NFAT5: variants seen among roughly 807,000 people sequenced by gnomAD.
The protein encoded by NFAT5 is nuclear factor of activated T cells 5, also known as nuclear factor of activated T-cells 5.
NFAT5 carries 31 observed loss-of-function variants against 166.5 expected under a neutral mutation model. The observed-to-expected ratio is 0.19, with a 90% CI of 0.14 to 0.25. The LOEUF is 0.25. NFAT5 is among the 10% of genes least tolerant of loss of function. The probability of loss-of-function intolerance (pLI) is 1.00; values close to 1 mark genes in which losing one functional copy is unlikely to be tolerated. For synonymous variants in NFAT5, 612 were observed against 639.7 expected (o/e 0.96, Z 0.65); for missense variants, 1,449 against 1,821.8 (o/e 0.80, Z 3.72).
intron 2 of NFAT5, among the ~76,000 whole-genome samples, chr16:69,600,059 G>T (rs898017334): frequency 1.3e-5 from 2 of 151,844 alleles, no homozygotes; most frequent in South Asian, 4.1e-4. Context: ...GAGATGATTA[G>T]ATCAGGATTG....
At chr16:69,592,611 G>C (rs941932757) in intron 2 of NFAT5, among the ~76,000 whole-genome samples, 8 of 152,008 alleles carry the variant, frequency 5.3e-5, no homozygotes, top group African/African-American at 1.7e-4. Flanking sequence ...CCCTCATAAT[G>C]TTTCTAACTT....
intron 2 of NFAT5, among the ~76,000 whole-genome samples, chr16:69,619,396 G>GT (rs1278696225): frequency 2.6e-5 from 4 of 152,156 alleles, no homozygotes; most frequent in African/African-American, 9.7e-5. Context: ...AACCCATTGT[G>GT]TAGCTCAGCT....
rs2016012306 is a variant in NFAT5 at position 69,566,084 on chromosome 16, T to C, written c.-218T>C. 2.0e-6 allele frequency: 1 copy of C among 509,408 alleles called. No homozygotes were observed. The highest frequency in any genetic ancestry group is 2.1e-5 in the African/African-American group (1 of 47,476). 31.6% of individuals were successfully genotyped at this position (509,408 alleles called of 1,614,324 possible). A position where few individuals can be genotyped will look rare whatever the true frequency, so the allele number is the denominator to read the frequency against. On this transcript the variant is annotated 5_prime_UTR_variant, in exon 1 of 15. Coordinates refer to ENST00000349945, the MANE Select transcript of NFAT5 (RefSeq NM_138713.4). The surrounding 1 kb of genome is among the most constrained non-coding windows in gnomAD (Gnocchi z 5.7). ...TCCCCGTCCTGAACCCCTCTCCTGGTCACCGAGAATCAGTCCCCGTGGAGT... is the reference window on the plus strand; with the variant it reads ...TCCCCGTCCTGAACCCCTCTCCTGGCCACCGAGAATCAGTCCCCGTGGAGT...
chr16:69,627,955 G>A (rs2034540732), intron 3 of NFAT5, among the ~76,000 whole-genome samples: 1 of 152,142 alleles, frequency 6.6e-6, no homozygotes, highest in Non-Finnish European at 1.5e-5. Context: ...AAATCCACAA[G>A]TAGAAATTGA....
At chr16:69,657,755 T>A (rs1597484729) in intron 6 of NFAT5, among the ~76,000 whole-genome samples, 1 of 88,560 alleles carries the variant, frequency 1.1e-5, no homozygotes. Flanking sequence ...CAAGACTCCA[T>A]CTCAAAAAAA....
intron 7 of NFAT5, among the ~76,000 whole-genome samples, chr16:69,660,579 A>G (rs988465249): frequency 1.4e-4 from 21 of 152,244 alleles, no homozygotes; most frequent in Admixed American, 7.2e-4. Context: ...GCAAATAACA[A>G]CATGTCAGAA....
intron 2 of NFAT5, among the ~76,000 whole-genome samples, chr16:69,590,923 T>A (rs943443412): frequency 3.9e-5 from 6 of 152,102 alleles, no homozygotes; most frequent in African/African-American, 1.4e-4. Flanking sequence ...ATCATTTTAT[T>A]TCCCAAATTG....
At chr16:69,604,326 G>A (rs2033291137) in intron 2 of NFAT5, among the ~76,000 whole-genome samples, 1 of 152,146 alleles carries the variant, frequency 6.6e-6, no homozygotes, top group Admixed American at 6.5e-5. Context: ...GTGCTCAATT[G>A]AATTTTCTTT....
intron 4 of NFAT5, chr16:69,649,357 A>G (rs2035576526): frequency 2.1e-6 from 2 of 973,274 alleles, no homozygotes; most frequent in South Asian, 9.5e-5. Flanking sequence ...TAGAATTTTT[A>G]CTTATGGCTA....
At chr16:69,605,019 T>A (rs1443958162) in intron 2 of NFAT5, among the ~76,000 whole-genome samples, 1 of 152,204 alleles carries the variant, frequency 6.6e-6, no homozygotes, top group East Asian at 1.9e-4. Flanking sequence ...CATCCTATAA[T>A]AGCATATGTG....
intron 2 of NFAT5, among the ~76,000 whole-genome samples, chr16:69,601,089 A>G (rs1031773311): frequency 6.6e-6 from 1 of 152,130 alleles, no homozygotes; most frequent in Non-Finnish European, 1.5e-5. Flanking sequence ...ATTAGAATTT[A>G]CGCACACACA....
At chr16:69,568,354 G>GTT in intron 1 of NFAT5, 141 bp from the exon 2 acceptor site, 1 of 330,274 alleles carries the variant, frequency 3.0e-6, no homozygotes. Flanking sequence ...ATATGTGTGT[G>GTT]TGTGTGTGTG....
chr16:69,648,528 A>G, intron 4 of NFAT5: 1 of 985,004 alleles, frequency 1.0e-6, no homozygotes, highest in Non-Finnish European at 1.2e-6. Context: ...ATCATGGTAC[A>G]TGTTTGAGTT....
rs186003990 is a variant in NFAT5, at chr16:69,703,402, T to G, written c.*7051T>G. 174 of 152,742 alleles carry G rather than the reference T, an allele frequency of 1.1e-3. No homozygotes were observed. The highest frequency in any genetic ancestry group is 1.3e-3 in the Non-Finnish European group (91 of 68,032). The allele number at this position is 152,742 out of a possible 1,614,324, so 9.5% of individuals were successfully genotyped here. A position where few individuals can be genotyped will look rare whatever the true frequency, so the allele number is the denominator to read the frequency against. The stretch of plus-strand genomic sequence containing the variant: ...TAAACAAGATAATGCATTATACAAT[T>G]TGGGCATTTCTCGTTTCTCAAGTGT... On this transcript the variant is annotated 3_prime_UTR_variant, in exon 15 of 15. Coordinates refer to ENST00000349945, the MANE Select transcript of NFAT5 (RefSeq NM_138713.4).
chr16:69,604,535 C>T (rs1355513812), intron 2 of NFAT5, among the ~76,000 whole-genome samples: 2 of 152,118 alleles, frequency 1.3e-5, no homozygotes, highest in African/African-American at 4.8e-5. Flanking sequence ...CAAGTAGGCC[C>T]CAGTGTCTGT....
chr16:69,668,205 C>T (rs1178563400), intron 7 of NFAT5, among the ~76,000 whole-genome samples: 1 of 152,050 alleles, frequency 6.6e-6, no homozygotes, highest in East Asian at 1.9e-4. Context: ...TCCTGACCTC[C>T]TCGAACTCCT....
At chr16:69,689,644 A>G (rs563647549) in intron 11 of NFAT5, among the ~76,000 whole-genome samples, 19 of 152,230 alleles carry the variant, frequency 1.2e-4, no homozygotes, top group Non-Finnish European at 2.5e-4. Context: ...CCTGGATTCA[A>G]GCAATTCTTG....
At chr16:69,694,317 C>G in intron 13 of NFAT5, 78 bp downstream of exon 13, 1 of 1,102,214 alleles carries the variant, frequency 9.1e-7, no homozygotes. Flanking sequence ...GGTGCGATCT[C>G]AGCTCACTGC....
rs150605234 is a variant in NFAT5 at position 69,670,722 on chromosome 16, T to G, written c.1557+434T>G. On this transcript the variant is annotated intron_variant, in intron 9 of 14. Coordinates refer to ENST00000349945, the MANE Select transcript of NFAT5 (RefSeq NM_138713.4). ...AGTCTGTATTTGCAGGACCTCACCA[T>G]GTATTGTTTCCCAAATAACAATGAA... 2.2e-3 allele frequency among the ~76,000 whole-genome samples: 338 copies of G among 152,320 alleles called. 2 individuals carry two copies. Among genetic ancestry groups the G allele is most frequent in the South Asian group, 5.8e-3 (28 of 4,830 alleles).
Sources: allele counts gnomAD v4.1 joint callset (sites outside exome capture counted in the v4.1 genomes callset), GRCh38; gene constraint gnomAD v4.1.1; non-coding constraint Gnocchi (gnomAD v3.1); transcripts MANE v1.5; gene names NCBI Gene and HGNC (gene_info 2026-07-23, HGNC 2026-07-21).